Variants in NIPAL1 observed in about 807,000 individuals in gnomAD.
NIPAL1 encodes the protein magnesium transporter NIPA3.
Under a neutral mutation model 37.7 loss-of-function variants are expected in NIPAL1, and 35 were observed. That is an observed-to-expected ratio of 0.93 (90% CI 0.71 to 1.23). The LOEUF (loss-of-function observed/expected upper bound fraction) is 1.23. Among genes scored for constraint, NIPAL1 ranks in the 50% most tolerant of loss-of-function variants. The pLI, the probability that NIPAL1 is intolerant of heterozygous loss-of-function variation, is 0.00. For synonymous variants in NIPAL1, 162 were observed against 183.0 expected, an observed-to-expected ratio of 0.89 and a Z score of 0.93; for missense variants, 412 against 473.9, an observed-to-expected ratio of 0.87 and a Z score of 1.21.
At position 48,035,766 on chromosome 4, in the gene NIPAL1, TCTTTGTTTTGCTGGCTGTACTTGTG is replaced by T; in HGVS notation, c.832_856del (p.Val278GlnfsTer2). 1 of 1,614,208 alleles carries T rather than the reference TCTTTGTTTTGCTGGCTGTACTTGTG, an allele frequency of 6.2e-7. No homozygotes were observed. The highest frequency in any genetic ancestry group is 8.5e-7 in the Non-Finnish European group (1 of 1,180,012). Reference sequence around the variant, plus strand: ...AAGCCAGTTTACAAACATCCGCTGGTCTTTGTTTTGCTGGCTGTACTTGTGCTTTCAGTAACTACACAGATTAACT... The same window carrying T: ...AAGCCAGTTTACAAACATCCGCTGGTCTTTCAGTAACTACACAGATTAACT... On this transcript the variant is annotated frameshift_variant, in exon 6 of 6. Coordinates refer to ENST00000295461, the MANE Select transcript of NIPAL1 (RefSeq NM_207330.3). LOFTEE classifies it high-confidence loss of function.
rs1286264389 is a variant in NIPAL1 at position 48,035,593 on chromosome 4, G to A, written c.654G>A (p.Val218=). 1.9e-6 allele frequency: 3 copies of A among 1,612,214 alleles called. No homozygotes were observed. Among genetic ancestry groups the A allele is most frequent in the Admixed American group, 1.7e-5 (1 of 59,404 alleles). The change falls in exon 6 of 6, where the codon GTG becomes GTA. Residue 218 remains valine (V), a synonymous_variant. Coordinates refer to ENST00000295461, the MANE Select transcript of NIPAL1 (RefSeq NM_207330.3). ...GFISFAVIIT[V]ISLVLILIVA... Reference sequence around the variant, plus strand: ...TTTCCTTTGCTGTGATCATAACTGTGATCTCCTTGGTGCTGATTTTGATTG... The same window carrying A: ...TTTCCTTTGCTGTGATCATAACTGTAATCTCCTTGGTGCTGATTTTGATTG...
Position 48,033,034 on chromosome 4 carries a change from G to T in NIPAL1, c.412G>T (p.Ala138Ser). 6.2e-7 allele frequency: 1 copy of T among 1,613,898 alleles called. No individual in the cohort carries two copies. The highest frequency in any genetic ancestry group is 8.5e-7 in the Non-Finnish European group (1 of 1,179,886). ...TGCAAATTTTGCTGCTTATGCTTTT[G>T]CACCTGCCACCTTGGTCACCCCTCT... Reference protein sequence around the residue: ...EAANFAAYAFAPATLVTPLGA... With the variant: ...EAANFAAYAFSPATLVTPLGA... Residue 138 changes from alanine to serine, a missense_variant, in exon 4 of 6, where the codon GCA becomes TCA. By Grantham distance (99) the Ala-to-Ser change is moderately conservative (BLOSUM62 1). Transcript: ENST00000295461.
intron 2 of NIPAL1, among the ~76,000 whole-genome samples, chr4:48,026,635 T>A (rs1434808847): frequency 4.0e-5 from 6 of 151,882 alleles, no homozygotes; most frequent in Non-Finnish European, 1.5e-5. Flanking sequence ...TTGGAAAAAA[T>A]TAGAGGAGAA....
rs781173391 is a variant in NIPAL1 at position 48,027,421 on chromosome 4, TA to T, written c.313+2090del. The stretch of plus-strand genomic sequence containing the variant: ...AACATAATTCCAACTTAGTTATTTG[TA>T]AATGTAATGACCAATAAACATACAT... On this transcript the variant is annotated intron_variant, in intron 2 of 5. Coordinates refer to ENST00000295461, the MANE Select transcript of NIPAL1 (RefSeq NM_207330.3). This position sits in a 1 kb window ranked among gnomAD's most constrained non-coding sequence, Gnocchi z 4.1. Among the ~76,000 whole-genome samples, 3 of 152,104 alleles carry T rather than the reference TA, an allele frequency of 2.0e-5. No individual in the cohort carries two copies. Among genetic ancestry groups the T allele is most frequent in the Non-Finnish European group, 2.9e-5 (2 of 68,008 alleles).
intron 1 of NIPAL1, among the ~76,000 whole-genome samples, chr4:48,017,317 G>A (rs1205378331): frequency 1.3e-5 from 2 of 152,202 alleles, no homozygotes; most frequent in Non-Finnish European, 2.9e-5. Context: ...GGGCCCGTGG[G>A]AGTTCTGCGC....
At chr4:48,033,753 G>A (rs1384441783) in intron 4 of NIPAL1, among the ~76,000 whole-genome samples, 1 of 152,170 alleles carries the variant, frequency 6.6e-6, no homozygotes, top group Non-Finnish European at 1.5e-5. Context: ...TGTTTGATAA[G>A]CATATACATT....
chr4:48,018,926 G>A (rs1015063524), intron 1 of NIPAL1, among the ~76,000 whole-genome samples: 1 of 152,230 alleles, frequency 6.6e-6, no homozygotes, highest in Non-Finnish European at 1.5e-5. Flanking sequence ...TTCAAGCTGA[G>A]ACCCAAATGA....
At position 48,039,776 on chromosome 4, in the gene NIPAL1, C is replaced by T. The variant is rs1252069558; in HGVS notation, c.*3604C>T. Reference sequence around the variant, plus strand: ...TAGTAAAATGTACTTTTCTTTGAATCAACATTTGAATTCTTACAGTCTTGT... The same window carrying T: ...TAGTAAAATGTACTTTTCTTTGAATTAACATTTGAATTCTTACAGTCTTGT... On this transcript the variant is annotated 3_prime_UTR_variant, in exon 6 of 6. Transcript: ENST00000295461. 6.6e-6 allele frequency: 1 copy of T among 152,154 alleles called. No individual in the cohort carries two copies. Among genetic ancestry groups the T allele is most frequent in the Non-Finnish European group, 1.5e-5 (1 of 68,016 alleles). The allele number at this position is 152,154 out of a possible 1,614,324, so 9.4% of individuals were successfully genotyped here. A position where few individuals can be genotyped will look rare whatever the true frequency, so the allele number is the denominator to read the frequency against.
In NIPAL1 at chr4:48,036,452, C is replaced by CTTT; in HGVS notation, c.*281_*283dup. On this transcript the variant is annotated 3_prime_UTR_variant, in exon 6 of 6. Transcript: ENST00000295461. The stretch of plus-strand genomic sequence containing the variant: ...AATCTCCTTCTTCTGGTCACAGTAT[C>CTTT]TTTGTCTCTGCCAGGTGGCTCTTCA... 2.7e-6 allele frequency: 1 copy of CTTT among 365,194 alleles called. No individual in the cohort carries two copies. The highest frequency in any genetic ancestry group is 3.3e-5 in the South Asian group (1 of 30,676). The allele number at this position is 365,194 out of a possible 1,614,324, so 22.6% of individuals were successfully genotyped here.
chr4:48,029,360 G>A (rs1715767415), intron 2 of NIPAL1, among the ~76,000 whole-genome samples: 1 of 152,132 alleles, frequency 6.6e-6, no homozygotes, highest in South Asian at 2.1e-4. Flanking sequence ...CTTATAAGTG[G>A]GAGCTAAACC....
rs1715722065 is a variant in NIPAL1, at chr4:48,027,625, A to G, written c.313+2291A>G. Among the ~76,000 whole-genome samples, 1 of 152,236 alleles carries G rather than the reference A, an allele frequency of 6.6e-6. No homozygotes were observed. Among genetic ancestry groups the G allele is most frequent in the African/African-American group, 2.4e-5 (1 of 41,464 alleles). On this transcript the variant is annotated intron_variant, in intron 2 of 5. Transcript: ENST00000295461. This position sits in a 1 kb window ranked among gnomAD's most constrained non-coding sequence, Gnocchi z 4.1. ...AGCTTATATATCCTGTTTAATTATA[A>G]CAAAATCAATTAGGTCAAATGCAGA...
At chr4:48,032,851 A>G in intron 3 of NIPAL1, 142 bp from the exon 4 acceptor site, 1 of 567,878 alleles carries the variant, frequency 1.8e-6, no homozygotes, top group Non-Finnish European at 3.2e-6. Flanking sequence ...CCTACCTGCT[A>G]TAAAACATGT....
At chr4:48,034,444 A>G (rs1055063199) in intron 4 of NIPAL1, among the ~76,000 whole-genome samples, 2 of 152,168 alleles carry the variant, frequency 1.3e-5, no homozygotes, top group African/African-American at 4.8e-5. Context: ...GTTTGATTGT[A>G]GTGGTGTGAA....
At chr4:48,018,346 C>T (rs1297907834) in intron 1 of NIPAL1, among the ~76,000 whole-genome samples, 1 of 152,206 alleles carries the variant, frequency 6.6e-6, no homozygotes, top group Admixed American at 6.5e-5. Flanking sequence ...GTTTTTCCTG[C>T]TTTGCTTATG....
At position 48,038,288 on chromosome 4, in the gene NIPAL1, C is replaced by T. The variant is rs1452454461; in HGVS notation, c.*2116C>T. On this transcript the variant is annotated 3_prime_UTR_variant, in exon 6 of 6. Transcript: ENST00000295461. ...ACCTCAGGTCAAAAATGTGTTTACT[C>T]TGTTGATTGCTGTTTCACTTTACTT... The T allele has an allele frequency of 6.6e-6, 1 of 152,158 alleles. No homozygotes were observed. The highest frequency in any genetic ancestry group is 1.5e-5 in the Non-Finnish European group (1 of 68,032). 9.4% of individuals were successfully genotyped at this position (152,158 alleles called of 1,614,324 possible). A position where few individuals can be genotyped will look rare whatever the true frequency, so the allele number is the denominator to read the frequency against.
intron 2 of NIPAL1, among the ~76,000 whole-genome samples, chr4:48,028,353 A>C (rs1715738310): frequency 6.6e-6 from 1 of 152,138 alleles, no homozygotes. Context: ...CAAATGGTGC[A>C]AGGAAAATTG....
rs1715857285 is a variant in NIPAL1 at position 48,033,078 on chromosome 4, C to T, written c.456C>T (p.Leu152=). 4 of 1,607,302 alleles carry T rather than the reference C, an allele frequency of 2.5e-6. No individual in the cohort carries two copies. Among genetic ancestry groups the T allele is most frequent in the Non-Finnish European group, 3.4e-6 (4 of 1,174,180 alleles). The part of the protein sequence containing the change: ...LVTPLGALSV[L]ISAILSSYFL... ...CCCCTCTGGGTGCTTTGAGTGTTCT[C>T]ATAAGGTATGTGAGCAACAGGGAAC... Residue 152 remains leucine (L), a synonymous_variant, in exon 4 of 6, where the codon CTC becomes CTT. Coordinates refer to ENST00000295461, the MANE Select transcript of NIPAL1 (RefSeq NM_207330.3).
At chr4:48,030,655 C>T (rs1026108950) in intron 3 of NIPAL1, among the ~76,000 whole-genome samples, 4 of 152,202 alleles carry the variant, frequency 2.6e-5, no homozygotes, top group Non-Finnish European at 4.4e-5. Flanking sequence ...TGTCAGCACT[C>T]TCCTTCCTCC....
chr4:48,030,082 A>G, intron 2 of NIPAL1, 38 bp from the exon 3 acceptor site: 1 of 1,267,278 alleles, frequency 7.9e-7, no homozygotes, highest in East Asian at 2.3e-5. Flanking sequence ...TCCAGTGTAG[A>G]ACCCATTTTT....
Sources: allele counts gnomAD v4.1 joint callset (sites outside exome capture counted in the v4.1 genomes callset), GRCh38; gene constraint gnomAD v4.1.1; non-coding constraint Gnocchi (gnomAD v3.1); transcripts MANE v1.5; gene names NCBI Gene and HGNC (gene_info 2026-07-23, HGNC 2026-07-21).